Variants in NBAS observed in about 807,000 individuals in gnomAD.
NBAS encodes the protein NBAS subunit of NRZ tethering complex.
Under a neutral mutation model 302.5 loss-of-function variants are expected in NBAS, and 219 were observed. The ratio of observed to expected loss-of-function variants is 0.72; its 90% confidence interval spans 0.65 to 0.81. The LOEUF (loss-of-function observed/expected upper bound fraction) is 0.81, where lower values mean the gene tolerates loss of function less well. NBAS is among the 30% of genes least tolerant of loss of function. The pLI is 0.00. For missense variants in NBAS, 2,932 were observed against 2,841.6 expected (o/e 1.03, Z -0.72); for synonymous variants, 1,118 against 1,021.6 (o/e 1.09, Z -1.80).
intron 3 of NBAS, among the ~76,000 whole-genome samples, chr2:15,555,024 A>T (rs897214346): frequency 1.3e-5 from 2 of 152,180 alleles, no homozygotes; most frequent in Admixed American, 1.3e-4. Flanking sequence ...AAAGAAGAAT[A>T]AAGAACATAA....
chr2:15,415,658 C>T lies in NBAS; in HGVS notation c.2825G>A (p.Cys942Tyr). The change falls in exon 25 of 52, where the codon TGT becomes TAT. Residue 942 changes from cysteine to tyrosine, a missense_variant. By Grantham distance (194) the Cys-to-Tyr change is radical. Transcript: ENST00000281513. ...AGCCACACCAGGCGACTGTTTCTCA[C>T]AACGATGAAGAAAGGGAACCATCCA... ...YQWMVPFLHR[C>Y]EKQSPGVANE... is the part of the protein sequence containing the mutation. 2 of 1,614,124 alleles carry T rather than the reference C, an allele frequency of 1.2e-6. No homozygotes were observed. The highest frequency in any genetic ancestry group is 1.7e-6 in the Non-Finnish European group (2 of 1,180,018).
chr2:15,286,313 C>T (rs1212271017), intron 42 of NBAS, among the ~76,000 whole-genome samples: 2 of 152,152 alleles, frequency 1.3e-5, no homozygotes, highest in African/African-American at 4.8e-5. Flanking sequence ...ACACAGTAGC[C>T]AAAGTGATCT....
chr2:15,097,678 TA>T, the NBAS span, among the ~76,000 whole-genome samples: 1 of 151,310 alleles, frequency 6.6e-6, no homozygotes, highest in Non-Finnish European at 1.5e-5. Context: ...ATGAGGACAC[TA>T]ATCCCACTCA....
chr2:14,896,729 C>A, the NBAS span, among the ~76,000 whole-genome samples: 1 of 152,094 alleles, frequency 6.6e-6, no homozygotes, highest in Admixed American at 6.5e-5. Flanking sequence ...GAGCCCAGGC[C>A]AGTGAGTGAA....
chr2:15,135,870 A>T, the NBAS span, among the ~76,000 whole-genome samples: 1 of 141,080 alleles, frequency 7.1e-6, no homozygotes, highest in African/African-American at 2.9e-5. Flanking sequence ...GATGAGCTAA[A>T]AAAAAAAAAA....
chr2:15,379,635 G>C lies in NBAS; in HGVS notation c.3557C>G (p.Thr1186Ser). Residue 1186 changes from threonine to serine, a missense_variant, in exon 30 of 52, where the codon ACC becomes AGC. Physicochemically the swap from Thr to Ser is moderately conservative, Grantham distance 58 (BLOSUM62 1). Coordinates refer to ENST00000281513, the MANE Select transcript of NBAS (RefSeq NM_015909.4). ...ATCCATGCAGCTATCAGTGAGGTTG[G>C]TAGAAGAATTGAAGTACTCTCTGCT... is the stretch of plus-strand genomic sequence containing the variant. ...AASREYFNSS[T>S]NLTDSCMDLA... is the part of the protein sequence containing the mutation. The C allele has an allele frequency of 6.2e-7, 1 of 1,613,848 alleles. No individual in the cohort carries two copies. The highest frequency in any genetic ancestry group is 8.5e-7 in the Non-Finnish European group (1 of 1,179,924).
chr2:15,104,476 T>C, the NBAS span, among the ~76,000 whole-genome samples: 3 of 150,846 alleles, frequency 2.0e-5, no homozygotes, highest in Admixed American at 6.6e-5. Flanking sequence ...GAGCAAACGG[T>C]GTTACAGGAT....
chr2:15,437,817 G>C (rs1348782904), intron 21 of NBAS, among the ~76,000 whole-genome samples: 1 of 152,068 alleles, frequency 6.6e-6, no homozygotes, highest in African/African-American at 2.4e-5. Context: ...AAATAGACCA[G>C]AAAATAGATG....
At chr2:14,969,936 A>G in the NBAS span, among the ~76,000 whole-genome samples, 6 of 152,216 alleles carry the variant, frequency 3.9e-5, no homozygotes, top group Non-Finnish European at 7.3e-5. Flanking sequence ...AATAACAACC[A>G]TGGACTCTCA....
At chr2:14,787,389 G>T in the NBAS span, among the ~76,000 whole-genome samples, 1 of 152,080 alleles carries the variant, frequency 6.6e-6, no homozygotes, top group African/African-American at 2.4e-5. Flanking sequence ...TATTTTGCTC[G>T]TTAGTTGATG....
chr2:14,807,165 C>T, the NBAS span, among the ~76,000 whole-genome samples: 1 of 152,120 alleles, frequency 6.6e-6, no homozygotes, highest in Non-Finnish European at 1.5e-5. Flanking sequence ...ATGCCTACTA[C>T]TTTCATGAGT....
chr2:15,449,437 G>T (rs189815592), intron 21 of NBAS, among the ~76,000 whole-genome samples: 91 of 152,002 alleles, frequency 6.0e-4, no homozygotes, highest in African/African-American at 2.2e-3. Context: ...AGAGGAAATG[G>T]GTTAATTAAC....
the NBAS span, among the ~76,000 whole-genome samples, chr2:15,116,136 T>C: frequency 6.6e-6 from 1 of 152,148 alleles, no homozygotes; most frequent in African/African-American, 2.4e-5. Flanking sequence ...AAAACAGCAA[T>C]CAGCTTCCTC....
chr2:15,355,548 T>C (rs112837623), intron 33 of NBAS, among the ~76,000 whole-genome samples: 1 of 152,192 alleles, frequency 6.6e-6, no homozygotes, highest in Non-Finnish European at 1.5e-5. Context: ...CCAAACCTCA[T>C]GTTGAAATGT....
the NBAS span, among the ~76,000 whole-genome samples, chr2:15,095,737 A>C: frequency 1.3e-5 from 2 of 152,096 alleles, no homozygotes; most frequent in Admixed American, 6.5e-5. Context: ...AACATGTCCC[A>C]TTGTCAAGTT....
chr2:15,058,619 A>T, the NBAS span, among the ~76,000 whole-genome samples: 1 of 152,148 alleles, frequency 6.6e-6, no homozygotes, highest in African/African-American at 2.4e-5. Context: ...ATTCTAATCT[A>T]GGTTATTGTA....
chr2:15,140,932 C>T, the NBAS span, among the ~76,000 whole-genome samples: 1 of 152,164 alleles, frequency 6.6e-6, no homozygotes, highest in Non-Finnish European at 1.5e-5. Context: ...CCAGGCTTAT[C>T]CCCATTCCAT....
At chr2:14,936,296 A>G in the NBAS span, among the ~76,000 whole-genome samples, 4 of 152,340 alleles carry the variant, frequency 2.6e-5, no homozygotes, top group South Asian at 8.3e-4. Flanking sequence ...GCCCAAAGCT[A>G]ACCAAAATCT....
the NBAS span, among the ~76,000 whole-genome samples, chr2:14,929,374 ATGTTTTGTTT>A: frequency 6.6e-6 from 1 of 151,482 alleles, no homozygotes; most frequent in African/African-American, 2.4e-5. Flanking sequence ...ACAGTATATT[ATGTTTTGTTT>A]TGTTTTGTTT....
Sources: gnomAD v4.1 joint callset for allele counts (sites outside exome capture counted in the v4.1 genomes callset) on GRCh38, gnomAD v4.1.1 for gene constraint, MANE v1.5 for transcripts, NCBI Gene and HGNC (gene_info 2026-07-23, HGNC 2026-07-21) for gene names.